NKAIN3: variants seen among roughly 807,000 people sequenced by gnomAD.
NKAIN3 encodes sodium/potassium transporting ATPase interacting 3.
NKAIN3 carries 25 observed loss-of-function variants against 30.2 expected under a neutral mutation model. That is an observed-to-expected ratio of 0.83 (90% CI 0.60 to 1.16). The LOEUF (loss-of-function observed/expected upper bound fraction) is 1.16. NKAIN3 is among the 50% of genes most tolerant of loss of function. NKAIN3 has a pLI of 0.00. For missense variants in NKAIN3, 225 were observed against 254.1 expected (o/e 0.89, Z 0.78); for synonymous variants, 91 against 89.6 (o/e 1.02, Z -0.09).
chr8:62,262,841 A>G (rs1318388442), intron 1 of NKAIN3, among the ~76,000 whole-genome samples: 1 of 152,182 alleles, frequency 6.6e-6, no homozygotes, highest in Non-Finnish European at 1.5e-5. Flanking sequence ...GTTTGGCTCA[A>G]CCAAAAGTGT....
rs182397772 is a variant in NKAIN3, at chr8:62,718,002, C to T, written c.274-28930C>T. The stretch of plus-strand genomic sequence containing the variant: ...AGTTCCATGTGGCTAGGGAAATTCT[C>T]ACAATCATGGTGGAGGGTGAAAGGC... On this transcript the variant is annotated intron_variant, in intron 3 of 6. Transcript: ENST00000623646. Among the ~76,000 whole-genome samples the T allele has an allele frequency of 3.1e-3, 475 of 152,310 alleles. 4 individuals carry two copies. Among genetic ancestry groups the T allele is most frequent in the African/African-American group, 0.011 (438 of 41,556 alleles).
chr8:62,370,867 G>A (rs1816885750), intron 1 of NKAIN3, among the ~76,000 whole-genome samples: 1 of 151,922 alleles, frequency 6.6e-6, no homozygotes, highest in Non-Finnish European at 1.5e-5. Context: ...TACCTTAGAC[G>A]TGGAATTGCT....
chr8:62,636,930 T>A lies in NKAIN3; in HGVS notation c.273+47136T>A, dbSNP rs1812147741. On this transcript the variant is annotated intron_variant, in intron 3 of 6. Transcript: ENST00000623646. ...CTATACTCTCTCACTTATAATTGCTTGAAAGTTGAATTTTTGCTTCCTTGT... is the reference window on the plus strand; with the variant it reads ...CTATACTCTCTCACTTATAATTGCTAGAAAGTTGAATTTTTGCTTCCTTGT... 2.0e-5 allele frequency among the ~76,000 whole-genome samples: 3 copies of A among 152,190 alleles called. No homozygotes were observed. The South Asian group carries it at 6.2e-4, about 32-fold the overall frequency.
chr8:62,942,907 T>A (rs184129236), intron 5 of NKAIN3, among the ~76,000 whole-genome samples: 64 of 152,102 alleles, frequency 4.2e-4, no homozygotes, highest in African/African-American at 1.3e-3. Flanking sequence ...AAGAATTAAA[T>A]CCAAGACCTG....
chr8:62,670,977 T>C (rs1813283790), intron 3 of NKAIN3, among the ~76,000 whole-genome samples: 1 of 151,256 alleles, frequency 6.6e-6, no homozygotes, highest in South Asian at 2.1e-4. Flanking sequence ...AATTGAACAT[T>C]TACAGTGAAC....
At chr8:62,854,966 G>T (rs144951712) in intron 4 of NKAIN3, 4 of 153,264 alleles carry the variant, frequency 2.6e-5, no homozygotes, top group African/African-American at 9.6e-5. Context: ...TGTCTGAAAA[G>T]GATCTTATTT....
intron 1 of NKAIN3, among the ~76,000 whole-genome samples, chr8:62,264,312 C>A (rs1812540520): frequency 6.6e-6 from 1 of 152,080 alleles, no homozygotes; most frequent in African/African-American, 2.4e-5. Context: ...ATGTTCTGAC[C>A]CACCCCAATT....
intron 1 of NKAIN3, among the ~76,000 whole-genome samples, chr8:62,384,241 TAA>T (rs1563374300): frequency 6.6e-6 from 1 of 152,136 alleles, no homozygotes; most frequent in Non-Finnish European, 1.5e-5. Flanking sequence ...TTGATAGCAA[TAA>T]GAGGTGGCCA....
At chr8:62,956,849 C>G (rs778717221) in intron 6 of NKAIN3, among the ~76,000 whole-genome samples, 1 of 152,094 alleles carries the variant, frequency 6.6e-6, no homozygotes, top group Non-Finnish European at 1.5e-5. Flanking sequence ...AGGGTAGATG[C>G]AAAACAATAT....
chr8:62,345,318 CAT>C (rs1266346345), intron 1 of NKAIN3, among the ~76,000 whole-genome samples: 58 of 59,076 alleles, frequency 9.8e-4, no homozygotes, highest in South Asian at 2.3e-3. Flanking sequence ...TATATACACA[CAT>C]ATATACACAT....
chr8:62,540,677 C>T (rs1023003077), intron 1 of NKAIN3, among the ~76,000 whole-genome samples: 1 of 151,784 alleles, frequency 6.6e-6, no homozygotes. Flanking sequence ...AGCTGTCATC[C>T]GAAGAGCTCC....
chr8:62,469,882 A>G lies in NKAIN3; in HGVS notation c.55-109657A>G, dbSNP rs569858978. Among the ~76,000 whole-genome samples, 3 of 152,286 alleles carry G rather than the reference A, an allele frequency of 2.0e-5. No homozygotes were observed. In the South Asian group the frequency reaches 6.2e-4, roughly 32 times the overall value. ...CTCATCAACTCCATTGTATGGCTCAATACTTACTGTGTGGTTCACACATCA... is the reference window on the plus strand; with the variant it reads ...CTCATCAACTCCATTGTATGGCTCAGTACTTACTGTGTGGTTCACACATCA... On this transcript the variant is annotated intron_variant, in intron 1 of 6. Transcript: ENST00000623646.
At chr8:62,276,701 G>A (rs147793441) in intron 1 of NKAIN3, among the ~76,000 whole-genome samples, 105 of 152,258 alleles carry the variant, frequency 6.9e-4, no homozygotes, top group African/African-American at 2.4e-3. Context: ...TCAAGAGAGT[G>A]TTATGAAAGG....
intron 1 of NKAIN3, among the ~76,000 whole-genome samples, chr8:62,265,496 C>A (rs373087991): frequency 2.0e-5 from 3 of 152,224 alleles, no homozygotes; most frequent in Admixed American, 1.3e-4. Flanking sequence ...TCTATAGACA[C>A]GTAATTGGTA....
intron 1 of NKAIN3, among the ~76,000 whole-genome samples, chr8:62,527,681 A>G (rs761846618): frequency 3.0e-4 from 45 of 152,206 alleles, no homozygotes; most frequent in Non-Finnish European, 5.0e-4. Flanking sequence ...GTTTTAGAAA[A>G]TGTATTATTA....
chr8:62,484,400 C>T (rs1806835181), intron 1 of NKAIN3, among the ~76,000 whole-genome samples: 1 of 152,230 alleles, frequency 6.6e-6, no homozygotes, highest in Admixed American at 6.5e-5. Context: ...CCCATGAAGG[C>T]TTTCCTCATT....
chr8:62,572,475 C>T (rs1022940172), intron 1 of NKAIN3, among the ~76,000 whole-genome samples: 1 of 152,158 alleles, frequency 6.6e-6, no homozygotes, highest in Admixed American at 6.5e-5. Flanking sequence ...GTTTCAAAGT[C>T]GCTTCCACAT....
chr8:62,535,242 G>A (rs185077269), intron 1 of NKAIN3, among the ~76,000 whole-genome samples: 74 of 152,126 alleles, frequency 4.9e-4, no homozygotes, highest in African/African-American at 1.5e-3. Context: ...TGTTATGTTC[G>A]GAAAACTCTC....
At chr8:62,401,829 C>T (rs62509246) in intron 1 of NKAIN3, among the ~76,000 whole-genome samples, 20,893 of 152,126 alleles carry the variant, frequency 0.14, 1,728 homozygotes, top group East Asian at 0.41. Flanking sequence ...CTGGGAAAGG[C>T]GGTGACACCA....
Sources: allele counts gnomAD v4.1 joint callset (sites outside exome capture counted in the v4.1 genomes callset), GRCh38; gene constraint gnomAD v4.1.1; transcripts MANE v1.5; gene names NCBI Gene and HGNC (gene_info 2026-07-23, HGNC 2026-07-21).